The following AMOTL1 variants were observed in gnomAD, a reference collection of about 807,000 sequenced individuals.
AMOTL1 encodes angiomotin like 1.
Under a neutral mutation model 102.9 loss-of-function variants are expected in AMOTL1, and 45 were observed. The ratio of observed to expected loss-of-function variants is 0.44; its 90% confidence interval spans 0.34 to 0.56. The LOEUF is 0.56. Ranked by LOEUF, AMOTL1 falls within the 20% of genes least tolerant of loss-of-function variation. AMOTL1 has a pLI of 0.01. For synonymous variants in AMOTL1, 481 were observed against 484.7 expected (o/e 0.99, Z 0.10); for missense variants, 1,114 against 1,225.6 (o/e 0.91, Z 1.36).
chr11:94,738,827 T>C (rs1005180459), intron 2 of AMOTL1, among the ~76,000 whole-genome samples: 2 of 152,068 alleles, frequency 1.3e-5, no homozygotes, highest in African/African-American at 4.8e-5. Context: ...ACACATTGGA[T>C]TAAAATAACA....
At chr11:94,845,805 G>A (rs1952399592) in intron 6 of AMOTL1, among the ~76,000 whole-genome samples, 1 of 152,198 alleles carries the variant, frequency 6.6e-6, no homozygotes, top group Admixed American at 6.5e-5. Flanking sequence ...GAGCCATCAA[G>A]CTAAACAGCT....
At chr11:94,812,379 A>C (rs1436133516) in intron 3 of AMOTL1, among the ~76,000 whole-genome samples, 1 of 152,192 alleles carries the variant, frequency 6.6e-6, no homozygotes, top group South Asian at 2.1e-4. Context: ...GATAAGAGAC[A>C]ATCTGTTGCA....
rs549571785 is a variant in AMOTL1, at chr11:94,785,680, G to A, written c.50-9331G>A. On this transcript the variant is annotated intron_variant, in intron 1 of 12. Coordinates refer to ENST00000433060, the MANE Select transcript of AMOTL1 (RefSeq NM_130847.3). ...ATGCCGCTGCCTGACAGATATCCCA[G>A]TGTCACTCATCTGCAACAATACACA... 1.3e-3 allele frequency among the ~76,000 whole-genome samples: 196 copies of A among 152,314 alleles called. 1 individual carries two copies. The highest frequency in any genetic ancestry group is 2.4e-3 in the Non-Finnish European group (163 of 68,034).
chr11:94,857,091 C>G (rs1952683154), intron 8 of AMOTL1, among the ~76,000 whole-genome samples: 1 of 152,202 alleles, frequency 6.6e-6, no homozygotes, highest in South Asian at 2.1e-4. Context: ...AATCCTGCCT[C>G]CCACCAGAAA....
At chr11:94,720,204 A>T (rs1374511065) in intron 1 of AMOTL1, among the ~76,000 whole-genome samples, 1 of 152,098 alleles carries the variant, frequency 6.6e-6, no homozygotes, top group East Asian at 1.9e-4. Flanking sequence ...ACTTTGCTCA[A>T]ATATATATGA....
chr11:94,834,643 G>T (rs767615398), intron 6 of AMOTL1, among the ~76,000 whole-genome samples: 1 of 152,190 alleles, frequency 6.6e-6, no homozygotes, highest in Non-Finnish European at 1.5e-5. Context: ...GCCCGAGTTA[G>T]GCTGTGAAGC....
At chr11:94,806,854 A>G (rs1951576452) in intron 3 of AMOTL1, among the ~76,000 whole-genome samples, 1 of 152,146 alleles carries the variant, frequency 6.6e-6, no homozygotes, top group Non-Finnish European at 1.5e-5. Context: ...TTGAACAGTT[A>G]TGAGATTTAA....
Position 94,799,692 on chromosome 11 carries a change from G to C in AMOTL1, c.502G>C (p.Asp168His). ...ACCGCAGGGTCAAGAACACCAGGTG[G>C]ACAATACGGTGATGGAGAAACAGGT... ...QEPQGQEHQVDNTVMEKQVRS... is the reference protein window; with the variant it reads ...QEPQGQEHQVHNTVMEKQVRS... The change falls in exon 3 of 13, where the codon GAC becomes CAC. Residue 168 changes from aspartate to histidine, a missense_variant. Coordinates refer to ENST00000433060, the MANE Select transcript of AMOTL1 (RefSeq NM_130847.3). The surrounding 1 kb of genome is among the most constrained non-coding windows in gnomAD (Gnocchi z 4.5). 6.2e-7 allele frequency: 1 copy of C among 1,613,948 alleles called. No homozygotes were observed. Among genetic ancestry groups the C allele is most frequent in the Non-Finnish European group, 8.5e-7 (1 of 1,179,892 alleles).
chr11:94,864,368 G>A (rs937716523), intron 9 of AMOTL1, among the ~76,000 whole-genome samples: 1 of 152,132 alleles, frequency 6.6e-6, no homozygotes, highest in Non-Finnish European at 1.5e-5. Context: ...GTAGTCAGAA[G>A]GGGGAGGGGA....
intron 3 of AMOTL1, among the ~76,000 whole-genome samples, chr11:94,750,826 G>T (rs1331504615): frequency 1.3e-5 from 2 of 152,188 alleles, no homozygotes; most frequent in East Asian, 1.9e-4. Flanking sequence ...ATAGTTCAGC[G>T]TTGTTACACT....
chr11:94,823,377 C>T (rs1487110019), intron 4 of AMOTL1, among the ~76,000 whole-genome samples: 1 of 152,160 alleles, frequency 6.6e-6, no homozygotes, highest in Non-Finnish European at 1.5e-5. Flanking sequence ...ACTCCCACCC[C>T]CTCTTGCACC....
At chr11:94,844,509 A>G (rs570056561) in intron 6 of AMOTL1, among the ~76,000 whole-genome samples, 15 of 152,356 alleles carry the variant, frequency 9.8e-5, no homozygotes, top group African/African-American at 3.4e-4. Context: ...TATTTGGTTC[A>G]TAGTTCGGGA....
intron 6 of AMOTL1, among the ~76,000 whole-genome samples, chr11:94,842,238 C>A: frequency 6.6e-6 from 1 of 152,160 alleles, no homozygotes; most frequent in Non-Finnish European, 1.5e-5. Flanking sequence ...TATCTTAGAT[C>A]TTTAGAGTCC....
intron 3 of AMOTL1, among the ~76,000 whole-genome samples, chr11:94,752,855 T>A (rs1019163849): frequency 5.9e-5 from 9 of 152,042 alleles, no homozygotes; most frequent in Admixed American, 2.6e-4. Flanking sequence ...TGGGGTGGGG[T>A]ACAATAGTCT....
chr11:94,722,474 C>T (rs1400293047), intron 1 of AMOTL1, among the ~76,000 whole-genome samples: 1 of 152,126 alleles, frequency 6.6e-6, no homozygotes, highest in Admixed American at 6.6e-5. Context: ...ACAGACATTT[C>T]TCACTTAATC....
intron 3 of AMOTL1, among the ~76,000 whole-genome samples, chr11:94,762,589 A>G (rs767292583): frequency 3.9e-5 from 6 of 152,230 alleles, no homozygotes; most frequent in Non-Finnish European, 7.3e-5. Context: ...TTTCCGTAGT[A>G]GTAGTAGCAA....
intron 4 of AMOTL1, among the ~76,000 whole-genome samples, chr11:94,826,294 G>C (rs1418272333): frequency 6.6e-6 from 1 of 152,006 alleles, no homozygotes; most frequent in Non-Finnish European, 1.5e-5. Context: ...CTGTCAAAAA[G>C]CAAAATCAAA....
chr11:94,782,794 A>G (rs1565349772), intron 1 of AMOTL1, among the ~76,000 whole-genome samples: 1 of 152,246 alleles, frequency 6.6e-6, no homozygotes, highest in South Asian at 2.1e-4. Context: ...CAAAAATTAT[A>G]TAACAACAGA....
chr11:94,826,282 GA>G (rs1203125510), intron 4 of AMOTL1, among the ~76,000 whole-genome samples: 1 of 152,128 alleles, frequency 6.6e-6, no homozygotes, highest in African/African-American at 2.4e-5. Flanking sequence ...GATGGAATGA[GA>G]CTGTCAAAAA....
Sources: gnomAD v4.1 joint callset for allele counts (sites outside exome capture counted in the v4.1 genomes callset) on GRCh38, gnomAD v4.1.1 for gene constraint, Gnocchi (gnomAD v3.1) non-coding constraint, MANE v1.5 for transcripts, NCBI Gene and HGNC (gene_info 2026-07-23, HGNC 2026-07-21) for gene names.